Variants in LRRC4C observed in about 807,000 individuals in gnomAD.
The protein encoded by LRRC4C is leucine rich repeat containing 4C, also known as leucine-rich repeat-containing protein 4C.
In LRRC4C, 5 loss-of-function variants were observed where a neutral mutation model predicts 33.6. That is an observed-to-expected ratio of 0.15 (90% CI 0.08 to 0.31). The LOEUF (loss-of-function observed/expected upper bound fraction) is 0.31, where lower values mean the gene tolerates loss of function less well. LRRC4C is among the 10% of genes least tolerant of loss of function. The pLI, the probability that LRRC4C is intolerant of heterozygous loss-of-function variation, is 1.00. For synonymous variants in LRRC4C, 329 were observed against 302.0 expected (o/e 1.09, Z -0.93); for missense variants, 560 against 796.7 (o/e 0.70, Z 3.58).
At chr11:40,724,943 G>T (rs947660859) in intron 2 of LRRC4C, among the ~76,000 whole-genome samples, 1 of 152,140 alleles carries the variant, frequency 6.6e-6, no homozygotes, top group Non-Finnish European at 1.5e-5. Context: ...TGAGGGATAT[G>T]ATAACCAAGA....
chr11:41,319,794 G>T (rs1004003604), intron 1 of LRRC4C, among the ~76,000 whole-genome samples: 1 of 152,026 alleles, frequency 6.6e-6, no homozygotes, highest in Non-Finnish European at 1.5e-5. Flanking sequence ...CAAGGGATCT[G>T]CCTGCCTCAG....
At chr11:40,650,217 C>T (rs555551081) in intron 2 of LRRC4C, among the ~76,000 whole-genome samples, 2 of 152,134 alleles carry the variant, frequency 1.3e-5, no homozygotes, top group Non-Finnish European at 2.9e-5. Context: ...TAAACTCCTG[C>T]AATAGGCCCC....
intron 1 of LRRC4C, among the ~76,000 whole-genome samples, chr11:41,229,262 G>A (rs1365471510): frequency 6.6e-6 from 1 of 152,110 alleles, no homozygotes; most frequent in Non-Finnish European, 1.5e-5. Context: ...ATGTGAGGAT[G>A]TAGAAAGAAG....
intron 4 of LRRC4C, among the ~76,000 whole-genome samples, chr11:40,294,865 T>G (rs1239339138): frequency 6.6e-6 from 1 of 151,696 alleles, no homozygotes; most frequent in East Asian, 1.9e-4. Context: ...AAAAAAAGAA[T>G]AGGCTCATCA....
chr11:40,445,925 C>A (rs553359639), intron 3 of LRRC4C: 1 of 152,110 alleles, frequency 6.6e-6, no homozygotes, highest in African/African-American at 2.4e-5. Flanking sequence ...TAGAATTTTT[C>A]GATTGTGTGA....
intron 1 of LRRC4C, among the ~76,000 whole-genome samples, chr11:41,385,912 T>C (rs1051109047): frequency 1.3e-5 from 2 of 151,650 alleles, no homozygotes; most frequent in Admixed American, 1.3e-4. Context: ...TAGTAAGATA[T>C]ATTTTTATTT....
intron 2 of LRRC4C, among the ~76,000 whole-genome samples, chr11:40,669,475 A>G (rs1017706004): frequency 6.6e-6 from 1 of 152,176 alleles, no homozygotes; most frequent in African/African-American, 2.4e-5. Flanking sequence ...GCTTGGTGCC[A>G]TTGCTTTCTT....
At chr11:40,171,125 TAAAAAATGGA>T (rs1860010710) in intron 5 of LRRC4C, among the ~76,000 whole-genome samples, 1 of 152,024 alleles carries the variant, frequency 6.6e-6, no homozygotes, top group Admixed American at 6.6e-5. Context: ...TTATACAAGC[TAAAAAATGGA>T]AAAAAATGAA....
intron 5 of LRRC4C, among the ~76,000 whole-genome samples, chr11:40,172,505 CTTTTT>C (rs960733075): frequency 6.7e-6 from 1 of 149,236 alleles, no homozygotes; most frequent in Non-Finnish European, 1.5e-5. Flanking sequence ...AATCCAAATT[CTTTTT>C]TTTTTAAGAT....
chr11:41,284,055 T>C (rs1293067793), intron 1 of LRRC4C, among the ~76,000 whole-genome samples: 1 of 152,214 alleles, frequency 6.6e-6, no homozygotes, highest in Non-Finnish European at 1.5e-5. Context: ...AAACACTAGA[T>C]AAAATTGTAC....
intron 1 of LRRC4C, among the ~76,000 whole-genome samples, chr11:40,962,197 GA>G (rs563433969): frequency 2.6e-5 from 4 of 151,364 alleles, no homozygotes; most frequent in Non-Finnish European, 4.4e-5. Context: ...AAATCAGAGA[GA>G]AAAAAAGGGG....
At chr11:40,237,073 A>G (rs2136060601) in intron 5 of LRRC4C, among the ~76,000 whole-genome samples, 1 of 152,332 alleles carries the variant, frequency 6.6e-6, no homozygotes, top group African/African-American at 2.4e-5. Context: ...CAGACTATAT[A>G]TCAACCTACT....
intron 3 of LRRC4C, among the ~76,000 whole-genome samples, chr11:40,495,300 G>A (rs925750224): frequency 2.6e-5 from 4 of 151,754 alleles, no homozygotes; most frequent in Non-Finnish European, 1.5e-5. Flanking sequence ...CGCCCCCCCC[G>A]CCAGAAAAAA....
intron 1 of LRRC4C, among the ~76,000 whole-genome samples, chr11:40,976,053 A>G (rs541581308): frequency 4.5e-4 from 68 of 152,340 alleles, no homozygotes; most frequent in African/African-American, 1.5e-3. Context: ...TCACTCAGAA[A>G]GAAGGTCACA....
intron 1 of LRRC4C, among the ~76,000 whole-genome samples, chr11:41,019,061 T>C (rs1276687601): frequency 6.6e-6 from 1 of 152,134 alleles, no homozygotes; most frequent in Non-Finnish European, 1.5e-5. Context: ...TCCTTATGTC[T>C]TCTAAAAAAT....
At chr11:41,447,612 C>A (rs756826494) in intron 1 of LRRC4C, among the ~76,000 whole-genome samples, 6 of 152,008 alleles carry the variant, frequency 3.9e-5, no homozygotes, top group Middle Eastern at 3.2e-3. Flanking sequence ...GTAAAAGTAC[C>A]GTAACTGACA....
chr11:40,362,210 T>G (rs1017241249), intron 3 of LRRC4C, among the ~76,000 whole-genome samples: 4 of 152,006 alleles, frequency 2.6e-5, no homozygotes, highest in African/African-American at 9.7e-5. Context: ...TGGGCAAAGA[T>G]TTCATGAGGA....
intron 3 of LRRC4C, among the ~76,000 whole-genome samples, chr11:40,367,925 C>T (rs1948282971): frequency 6.6e-6 from 1 of 151,714 alleles, no homozygotes; most frequent in Middle Eastern, 3.4e-3. Context: ...AGTATAATGT[C>T]CCATCTACAC....
intron 2 of LRRC4C, among the ~76,000 whole-genome samples, chr11:40,711,161 C>A (rs569753680): frequency 6.6e-6 from 1 of 152,300 alleles, no homozygotes; most frequent in South Asian, 2.1e-4. Flanking sequence ...GGTGAAGTGA[C>A]GCCCTGCTCT....
Sources: gnomAD v4.1 joint callset for allele counts (sites outside exome capture counted in the v4.1 genomes callset) on GRCh38, gnomAD v4.1.1 for gene constraint, MANE v1.5 for transcripts, NCBI Gene and HGNC (gene_info 2026-07-23, HGNC 2026-07-21) for gene names.